The following FBXL7 variants were observed in gnomAD, a reference collection of about 807,000 sequenced individuals.
FBXL7 encodes the protein F-box and leucine rich repeat protein 7.
FBXL7 carries 12 observed loss-of-function variants against 38.3 expected under a neutral mutation model. The ratio of observed to expected loss-of-function variants is 0.31; its 90% confidence interval spans 0.20 to 0.51. The LOEUF is 0.51. Among genes scored for constraint, FBXL7 ranks in the 20% least tolerant of loss-of-function variants. FBXL7 has a pLI of 0.98. For synonymous variants in FBXL7, 297 were observed against 300.9 expected, an observed-to-expected ratio of 0.99 and a Z score of 0.13; for missense variants, 567 against 676.4, an observed-to-expected ratio of 0.84 and a Z score of 1.79.
intron 2 of FBXL7, among the ~76,000 whole-genome samples, chr5:15,850,054 G>C (rs1211288993): frequency 6.6e-6 from 1 of 152,154 alleles, no homozygotes; most frequent in East Asian, 1.9e-4. Context: ...CAGCACTTCT[G>C]CCTGTATAGA....
intron 2 of FBXL7, among the ~76,000 whole-genome samples, chr5:15,783,551 C>T (rs906726407): frequency 3.9e-5 from 6 of 152,078 alleles, no homozygotes; most frequent in Admixed American, 6.6e-5. Context: ...AGGAGTAAGA[C>T]ACTGCAAAAA....
At chr5:15,519,158 A>G (rs1483463928) in intron 1 of FBXL7, among the ~76,000 whole-genome samples, 2 of 152,062 alleles carry the variant, frequency 1.3e-5, no homozygotes, top group Non-Finnish European at 2.9e-5. Flanking sequence ...TGCTTGGCCA[A>G]CATGGTGAAA....
rs147636828 is a variant in FBXL7, at chr5:15,532,633, G to A, written c.37+31920G>A. Among the ~76,000 whole-genome samples the A allele has an allele frequency of 1.4e-3, 210 of 152,306 alleles. 1 individual carries two copies. Among genetic ancestry groups the A allele is most frequent in the African/African-American group, 5.0e-3 (208 of 41,570 alleles). On this transcript the variant is annotated intron_variant, in intron 1 of 3. Coordinates refer to ENST00000504595, the MANE Select transcript of FBXL7 (RefSeq NM_012304.5). ...GGCCAGAAATAAAATGTCAGTGACC[G>A]GCATCCTGCCTTATGGACTCTGTTT...
At chr5:15,844,725 G>A (rs1738844804) in intron 2 of FBXL7, among the ~76,000 whole-genome samples, 1 of 152,102 alleles carries the variant, frequency 6.6e-6, no homozygotes, top group Non-Finnish European at 1.5e-5. Context: ...TGAAGGGAGT[G>A]TCTACCTTAG....
At chr5:15,516,744 GAT>G (rs1736947922) in intron 1 of FBXL7, among the ~76,000 whole-genome samples, 1 of 152,118 alleles carries the variant, frequency 6.6e-6, no homozygotes, top group African/African-American at 2.4e-5. Context: ...CTGTTCTCGT[GAT>G]AGTGAGTGAG....
intron 1 of FBXL7, among the ~76,000 whole-genome samples, chr5:15,603,705 C>T (rs1739888656): frequency 6.6e-6 from 1 of 152,200 alleles, no homozygotes; most frequent in Admixed American, 6.5e-5. Context: ...AAGAAAGTAC[C>T]AGTTAGGACA....
intron 1 of FBXL7, among the ~76,000 whole-genome samples, chr5:15,549,167 T>C (rs991459485): frequency 6.6e-6 from 1 of 152,220 alleles, no homozygotes; most frequent in Non-Finnish European, 1.5e-5. Flanking sequence ...AGATTTAATT[T>C]CCTTTCACAT....
At chr5:15,890,547 C>T (rs753512240) in intron 2 of FBXL7, among the ~76,000 whole-genome samples, 1 of 152,124 alleles carries the variant, frequency 6.6e-6, no homozygotes, top group African/African-American at 2.4e-5. Flanking sequence ...GGCTGGCTTT[C>T]GATTCTTACA....
intron 2 of FBXL7, among the ~76,000 whole-genome samples, chr5:15,846,774 G>C (rs929416851): frequency 2.0e-5 from 3 of 152,042 alleles, no homozygotes; most frequent in Admixed American, 6.6e-5. Flanking sequence ...AAAAGAGAAG[G>C]TTGTCATCTG....
rs563255353 is a variant in FBXL7, at chr5:15,513,976, C to T, written c.37+13263C>T. Among the ~76,000 whole-genome samples the T allele has an allele frequency of 2.0e-5, 3 of 152,230 alleles. No individual in the cohort carries two copies. The South Asian group carries it at 6.2e-4, about 32-fold the overall frequency. On this transcript the variant is annotated intron_variant, in intron 1 of 3. Coordinates refer to ENST00000504595, the MANE Select transcript of FBXL7 (RefSeq NM_012304.5). ...TACCCTGCAATCCTGTTTGGAGAGGCAGTATTTCCTTGGGGAGTCTTTCTG... is the reference window on the plus strand; with the variant it reads ...TACCCTGCAATCCTGTTTGGAGAGGTAGTATTTCCTTGGGGAGTCTTTCTG...
rs148125605 is a variant in FBXL7 at position 15,763,572 on chromosome 5, A to G, written c.127+147500A>G. 1.5e-3 allele frequency among the ~76,000 whole-genome samples: 232 copies of G among 152,354 alleles called. 4 individuals carry two copies. Among genetic ancestry groups the G allele is most frequent in the African/African-American group, 5.3e-3 (222 of 41,596 alleles). On this transcript the variant is annotated intron_variant, in intron 2 of 3. Transcript: ENST00000504595. Reference sequence around the variant, plus strand: ...GAATTCCTTTGATGAAAGGAAATCCATAATAGCAATCTCATAATATTACAT... The same window carrying G: ...GAATTCCTTTGATGAAAGGAAATCCGTAATAGCAATCTCATAATATTACAT...
chr5:15,650,856 C>A (rs961294072), intron 2 of FBXL7, among the ~76,000 whole-genome samples: 8 of 152,132 alleles, frequency 5.3e-5, no homozygotes, highest in Non-Finnish European at 7.4e-5. Context: ...CTTGCTATTT[C>A]CACCACATCT....
In FBXL7 at chr5:15,752,616, A is replaced by C. The variant is rs192159133; in HGVS notation, c.127+136544A>C. Among the ~76,000 whole-genome samples, 50 of 152,336 alleles carry C rather than the reference A, an allele frequency of 3.3e-4. 1 individual carries two copies. Among genetic ancestry groups the C allele is most frequent in the African/African-American group, 1.1e-3 (46 of 41,570 alleles). ...GGATTTCAAAAGCATTAAGAGTTGT[A>C]ATTTTTTTTGAAGTCCAGAAACAAT... On this transcript the variant is annotated intron_variant, in intron 2 of 3. Transcript: ENST00000504595.
rs1224666704 is a variant in FBXL7 at position 15,504,824 on chromosome 5, G to C, written c.37+4111G>C. The stretch of plus-strand genomic sequence containing the variant: ...TCTCAGTTCAAGTGGGAAAAGAGAA[G>C]CTGCTCTCCCTGCCTTTTAAGGTTT... On this transcript the variant is annotated intron_variant, in intron 1 of 3. Coordinates refer to ENST00000504595, the MANE Select transcript of FBXL7 (RefSeq NM_012304.5). 2.6e-5 allele frequency among the ~76,000 whole-genome samples: 4 copies of C among 152,202 alleles called. No homozygotes were observed. In the South Asian group the frequency reaches 8.3e-4, roughly 31 times the overall value.
chr5:15,505,909 C>A (rs991029378), intron 1 of FBXL7, among the ~76,000 whole-genome samples: 8 of 152,132 alleles, frequency 5.3e-5, no homozygotes, highest in Admixed American at 4.6e-4. Context: ...AACCTGATTG[C>A]AGTCAGTCGG....
intron 2 of FBXL7, among the ~76,000 whole-genome samples, chr5:15,707,087 T>G (rs1743704419): frequency 6.6e-6 from 1 of 151,990 alleles, no homozygotes; most frequent in Non-Finnish European, 1.5e-5. Context: ...AAGGTATATA[T>G]TTAACATTGG....
At chr5:15,650,125 AC>A (rs1198743203) in intron 2 of FBXL7, among the ~76,000 whole-genome samples, 1 of 152,192 alleles carries the variant, frequency 6.6e-6, no homozygotes, top group South Asian at 2.1e-4. Flanking sequence ...TAACTGAGCC[AC>A]AGACCAACAT....
At chr5:15,788,099 C>T (rs1414525236) in intron 2 of FBXL7, among the ~76,000 whole-genome samples, 1 of 152,138 alleles carries the variant, frequency 6.6e-6, no homozygotes, top group Non-Finnish European at 1.5e-5. Context: ...TGCACATGGC[C>T]TTCTTCCCGG....
At position 15,681,287 on chromosome 5, in the gene FBXL7, T is replaced by C. The variant is rs116152448; in HGVS notation, c.127+65215T>C. On this transcript the variant is annotated intron_variant, in intron 2 of 3. Transcript: ENST00000504595. ...TACATGTTTATTAACTTTAGAATTA[T>C]GCTGATAATGTCAACAACACAATTG... 7.4e-3 allele frequency among the ~76,000 whole-genome samples: 1,125 copies of C among 152,360 alleles called. 7 individuals carry two copies. The highest frequency in any genetic ancestry group is 0.012 in the Admixed American group (180 of 15,302).
Sources: gnomAD v4.1 joint callset for allele counts (sites outside exome capture counted in the v4.1 genomes callset) on GRCh38, gnomAD v4.1.1 for gene constraint, MANE v1.5 for transcripts, NCBI Gene and HGNC (gene_info 2026-07-23, HGNC 2026-07-21) for gene names.